UGGT2: variants seen among roughly 807,000 people sequenced by gnomAD.
UGGT2 encodes the protein UDP-glucose:glycoprotein glucosyltransferase 2.
UGGT2 carries 180 observed loss-of-function variants against 192.1 expected under a neutral mutation model. The observed-to-expected ratio is 0.94, with a 90% CI of 0.83 to 1.06. The LOEUF (loss-of-function observed/expected upper bound fraction) is 1.06. Ranked by LOEUF, UGGT2 falls within the 50% of genes least tolerant of loss-of-function variation. The pLI, the probability that UGGT2 is intolerant of heterozygous loss-of-function variation, is 0.00. For missense variants in UGGT2, 1,849 were observed against 1,795.7 expected, an observed-to-expected ratio of 1.03 and a Z score of -0.54; for synonymous variants, 580 against 591.0, an observed-to-expected ratio of 0.98 and a Z score of 0.27.
intron 33 of UGGT2, among the ~76,000 whole-genome samples, chr13:95,856,871 T>C (rs1051398629): frequency 6.6e-6 from 1 of 152,142 alleles, no homozygotes. Context: ...GTAGTGATTA[T>C]GGTCTGAATA....
intron 4 of UGGT2, among the ~76,000 whole-genome samples, chr13:96,022,341 G>C (rs973315156): frequency 2.0e-5 from 3 of 151,798 alleles, no homozygotes; most frequent in African/African-American, 7.3e-5. Context: ...AAAACTGTTA[G>C]TATAAAAACA....
At chr13:95,973,561 T>A (rs2050843330) in intron 10 of UGGT2, among the ~76,000 whole-genome samples, 1 of 152,214 alleles carries the variant, frequency 6.6e-6, no homozygotes, top group South Asian at 2.1e-4. Context: ...ATTTGATTTT[T>A]CACTGTCTTT....
At position 95,996,125 on chromosome 13, in the gene UGGT2, A is replaced by G; in HGVS notation, c.768T>C (p.Asn256=). 1 of 1,611,538 alleles carries G rather than the reference A, an allele frequency of 6.2e-7. No individual in the cohort carries two copies. Among genetic ancestry groups the G allele is most frequent in the East Asian group, 2.2e-5 (1 of 44,784 alleles). The change falls in exon 7 of 39, where the codon AAT becomes AAC. Residue 256 remains asparagine (N), a synonymous_variant. Transcript: ENST00000376747. ...LDDTQVKTVT[N]TTVEDETETN... ...TTTCAGTCTCATCCTCTACAGTAGTATTAGTCACAGCTACATTTTGGAAAC... is the reference window on the plus strand; with the variant it reads ...TTTCAGTCTCATCCTCTACAGTAGTGTTAGTCACAGCTACATTTTGGAAAC...
At chr13:96,048,793 T>C (rs946424343) in intron 1 of UGGT2, among the ~76,000 whole-genome samples, 1 of 152,110 alleles carries the variant, frequency 6.6e-6, no homozygotes, top group African/African-American at 2.4e-5. Flanking sequence ...CAGGAAGAAG[T>C]TGAATCCCTG....
At chr13:95,999,086 G>T in intron 6 of UGGT2, 125 bp downstream of exon 6, 1 of 563,512 alleles carries the variant, frequency 1.8e-6, no homozygotes, top group Non-Finnish European at 3.1e-6. Context: ...TGAAGAATAT[G>T]TCCACCCCAT....
At chr13:95,923,247 CAG>C (rs1186967686) in intron 20 of UGGT2, among the ~76,000 whole-genome samples, 2 of 152,080 alleles carry the variant, frequency 1.3e-5, no homozygotes, top group Non-Finnish European at 2.9e-5. Context: ...TTTTTAGAGA[CAG>C]AGTCTTGTTA....
intron 11 of UGGT2, 58 bp downstream of exon 11, chr13:95,972,522 G>C: frequency 7.3e-7 from 1 of 1,372,632 alleles, no homozygotes. Flanking sequence ...CTAAATTCAA[G>C]ACAATGTTTA....
intron 2 of UGGT2, among the ~76,000 whole-genome samples, chr13:96,026,764 C>T (rs1280568689): frequency 6.6e-6 from 1 of 151,422 alleles, no homozygotes; most frequent in Non-Finnish European, 1.5e-5. Flanking sequence ...CTCCGCTTCC[C>T]AGGTTCACGC....
Position 95,854,529 on chromosome 13 carries a change from T to G in UGGT2, c.4009-54A>C, listed in dbSNP as rs1360551545. The G allele has an allele frequency of 2.8e-6, 4 of 1,428,074 alleles. No individual in the cohort carries two copies. In the East Asian group the frequency reaches 9.8e-5, roughly 35 times the overall value. The allele number at this position is 1,428,074 out of a possible 1,614,324, so 88.5% of individuals were successfully genotyped here. A position where few individuals can be genotyped will look rare whatever the true frequency, so the allele number is the denominator to read the frequency against. On this transcript the variant is annotated intron_variant, in intron 34 of 38. Transcript: ENST00000376747. Reference sequence around the variant, plus strand: ...AAGACTGTAAAATAACATAAGCCCTTTTTTATGGGAATCTCAAATCATTAT... The same window carrying G: ...AAGACTGTAAAATAACATAAGCCCTGTTTTATGGGAATCTCAAATCATTAT...
intron 10 of UGGT2, among the ~76,000 whole-genome samples, chr13:95,980,923 G>A (rs912224415): frequency 6.6e-6 from 1 of 151,970 alleles, no homozygotes; most frequent in Non-Finnish European, 1.5e-5. Flanking sequence ...GCTGGAACCC[G>A]GGAGGCAGAG....
intron 17 of UGGT2, among the ~76,000 whole-genome samples, chr13:95,936,272 C>A (rs1360757847): frequency 1.3e-5 from 2 of 152,172 alleles, no homozygotes; most frequent in African/African-American, 4.8e-5. Flanking sequence ...GCTTCTATAG[C>A]CTATGCATTT....
intron 23 of UGGT2, 128 bp from the exon 24 acceptor site, chr13:95,894,785 G>A: frequency 1.4e-6 from 1 of 692,654 alleles, no homozygotes; most frequent in Non-Finnish European, 2.4e-6. Context: ...AGACTGCAAA[G>A]GGAGACCTAC....
chr13:95,947,276 G>A, intron 14 of UGGT2, 104 bp from the exon 15 acceptor site: 2 of 1,186,296 alleles, frequency 1.7e-6, no homozygotes, highest in Non-Finnish European at 2.3e-6. Flanking sequence ...TGGAGAGAAT[G>A]TATTAATAGA....
chr13:95,928,248 G>T (rs1212292813), intron 17 of UGGT2, among the ~76,000 whole-genome samples: 10 of 151,168 alleles, frequency 6.6e-5, no homozygotes, highest in African/African-American at 2.4e-4. Flanking sequence ...AGCTGGCCGG[G>T]CAGGGGCTGC....
intron 36 of UGGT2, among the ~76,000 whole-genome samples, chr13:95,839,761 C>A (rs1322755892): frequency 6.6e-6 from 1 of 152,134 alleles, no homozygotes; most frequent in African/African-American, 2.4e-5. Context: ...AGGAGCGTAT[C>A]ATGGTTCCAT....
At chr13:95,965,992 C>T (rs976795137) in intron 12 of UGGT2, among the ~76,000 whole-genome samples, 2 of 151,972 alleles carry the variant, frequency 1.3e-5, no homozygotes, top group East Asian at 3.9e-4. Context: ...GGAGATTCCT[C>T]AAAAATCTAA....
intron 3 of UGGT2, 135 bp downstream of exon 3, chr13:96,023,489 AATAAT>A: frequency 1.3e-6 from 1 of 779,782 alleles, no homozygotes; most frequent in Non-Finnish European, 1.8e-6. Flanking sequence ...TGACAACAAT[AATAAT>A]ATAATCAATG....
chr13:96,017,377 C>T (rs1226681859), intron 4 of UGGT2, among the ~76,000 whole-genome samples: 3 of 152,188 alleles, frequency 2.0e-5, no homozygotes, highest in Non-Finnish European at 2.9e-5. Context: ...CTTGCTCATG[C>T]TCTCACTATG....
intron 20 of UGGT2, among the ~76,000 whole-genome samples, chr13:95,915,124 C>A (rs2048640938): frequency 6.6e-6 from 1 of 152,128 alleles, no homozygotes; most frequent in South Asian, 2.1e-4. Flanking sequence ...TATGTTCTTG[C>A]ATTAGAACCT....
Sources: gnomAD v4.1 joint callset for allele counts (sites outside exome capture counted in the v4.1 genomes callset) on GRCh38, gnomAD v4.1.1 for gene constraint, MANE v1.5 for transcripts, NCBI Gene and HGNC (gene_info 2026-07-23, HGNC 2026-07-21) for gene names.